The following JAK1 variants were observed in gnomAD, a reference collection of about 807,000 sequenced individuals.
The protein encoded by JAK1 is tyrosine-protein kinase JAK1.
JAK1 carries 16 observed loss-of-function variants against 136.6 expected under a neutral mutation model. The observed-to-expected ratio is 0.12, with a 90% CI of 0.08 to 0.18. JAK1 has a LOEUF of 0.18. JAK1 is among the 10% of genes least tolerant of loss of function. JAK1 has a pLI of 1.00. For missense variants in JAK1, 859 were observed against 1,450.1 expected (o/e 0.59, Z 6.62); for synonymous variants, 492 against 519.5 (o/e 0.95, Z 0.72).
At chr1:64,956,341 C>G (rs902442408) in intron 1 of JAK1, among the ~76,000 whole-genome samples, 8 of 152,210 alleles carry the variant, frequency 5.3e-5, no homozygotes, top group Non-Finnish European at 1.2e-4. Context: ...TGTCAAAGGA[C>G]ACACAGCAAG....
intron 1 of JAK1, among the ~76,000 whole-genome samples, chr1:64,937,039 A>G (rs1645802128): frequency 6.6e-6 from 1 of 151,714 alleles, no homozygotes; most frequent in African/African-American, 2.4e-5. Context: ...ACTGTTTAAA[A>G]AAAAAAAAAA....
intron 1 of JAK1, among the ~76,000 whole-genome samples, chr1:64,949,392 T>TGA (rs1646042226): frequency 6.6e-6 from 1 of 152,194 alleles, no homozygotes; most frequent in African/African-American, 2.4e-5. Context: ...ATGTACTGCA[T>TGA]TTACTAGGGT....
chr1:64,920,752 G>A (rs1390185393), intron 1 of JAK1, among the ~76,000 whole-genome samples: 1 of 152,122 alleles, frequency 6.6e-6, no homozygotes, highest in Non-Finnish European at 1.5e-5. Context: ...TTTCCCCACT[G>A]TAAAACAGGC....
chr1:64,877,296 T>G (rs983217936), intron 4 of JAK1, among the ~76,000 whole-genome samples: 1 of 152,190 alleles, frequency 6.6e-6, no homozygotes, highest in Admixed American at 6.5e-5. Flanking sequence ...CTTTGTAGTT[T>G]GTCATCAGGC....
chr1:64,860,777 C>A (rs1656255830), intron 8 of JAK1, among the ~76,000 whole-genome samples: 1 of 152,042 alleles, frequency 6.6e-6, no homozygotes, highest in African/African-American at 2.4e-5. Context: ...ATAGGACTTT[C>A]ACTGTTCAAC....
chr1:64,999,459 T>C (rs1182968340), intron 2 of JAK1, among the ~76,000 whole-genome samples: 2 of 152,200 alleles, frequency 1.3e-5, no homozygotes, highest in Non-Finnish European at 2.9e-5. Context: ...AAAGTCAGGC[T>C]GGGTGCAAAG....
In JAK1 at chr1:64,835,279, T is replaced by C. The variant is rs953421461; in HGVS notation, c.3369+117A>G. 5 of 558,582 alleles carry C rather than the reference T, an allele frequency of 9.0e-6. No homozygotes were observed. The African/African-American group carries it at 9.8e-5, about 11-fold the overall frequency. The allele number at this position is 558,582 out of a possible 1,614,324, so 34.6% of individuals were successfully genotyped here. ...GAAATTCAGCTTCAGAAAACTATTT[T>C]ACAAGGACTTCACTGCATCATTTCC... On this transcript the variant is annotated intron_variant, in intron 24 of 24. Coordinates refer to ENST00000342505, the MANE Select transcript of JAK1 (RefSeq NM_002227.4).
intron 2 of JAK1, among the ~76,000 whole-genome samples, chr1:64,989,000 GTGTATATA>G (rs1278538622): frequency 5.1e-4 from 47 of 91,862 alleles, no homozygotes; most frequent in African/African-American, 1.8e-3. Flanking sequence ...GTGTGTGTGT[GTGTATATA>G]TATATATATA....
At chr1:65,021,522 G>GTGT (rs1646936846) in intron 2 of JAK1, among the ~76,000 whole-genome samples, 3 of 152,140 alleles carry the variant, frequency 2.0e-5, no homozygotes, top group Admixed American at 2.0e-4. Flanking sequence ...ACTTCGTTGC[G>GTGT]TGTAGGATAT....
chr1:65,063,774 C>T (rs1647918677), intron 1 of JAK1, among the ~76,000 whole-genome samples: 1 of 138,836 alleles, frequency 7.2e-6, no homozygotes. Flanking sequence ...CACTGCACTC[C>T]AGCCTGGAAG....
chr1:65,053,199 T>C (rs1647368386), intron 1 of JAK1, among the ~76,000 whole-genome samples: 1 of 150,484 alleles, frequency 6.6e-6, no homozygotes, highest in Admixed American at 6.6e-5. Flanking sequence ...ATACAAAAAT[T>C]AGCCAGGCAT....
intron 1 of JAK1, among the ~76,000 whole-genome samples, chr1:64,923,852 TA>T (rs1179961347): frequency 2.6e-5 from 4 of 152,168 alleles, no homozygotes; most frequent in Non-Finnish European, 5.9e-5. Flanking sequence ...TGCTGCTTTT[TA>T]AAACATTTAT....
At chr1:64,971,127 C>T (rs1646448399), upstream of JAK1, among the ~76,000 whole-genome samples, 1 of 152,084 alleles carries the variant, frequency 6.6e-6, no homozygotes, top group Non-Finnish European at 1.5e-5. Context: ...AATTTGTTTC[C>T]AAAAATTGGA....
Position 64,965,058 on chromosome 1 carries a change from TC to T in JAK1, c.-78+1274del, listed in dbSNP as rs763320704. On this transcript the variant is annotated intron_variant, in intron 1 of 24. Transcript: ENST00000342505. ...AGATTCAATCAATACGAATTGCTCA[TC>T]TTAAACAAAATCTACTGTGCCTATA... Among the ~76,000 whole-genome samples, 12 of 152,308 alleles carry T rather than the reference TC, an allele frequency of 7.9e-5. 1 individual carries two copies. Among genetic ancestry groups the T allele is most frequent in the Non-Finnish European group, 1.6e-4 (11 of 68,022 alleles).
chr1:64,924,095 A>G (rs995026695), intron 1 of JAK1, among the ~76,000 whole-genome samples: 18 of 152,364 alleles, frequency 1.2e-4, no homozygotes, highest in Admixed American at 5.2e-4. Flanking sequence ...ATGCAGTCAG[A>G]TACTTGCATA....
At chr1:65,055,583 C>T (rs1009912494) in intron 1 of JAK1, among the ~76,000 whole-genome samples, 2 of 152,184 alleles carry the variant, frequency 1.3e-5, no homozygotes, top group Non-Finnish European at 2.9e-5. Flanking sequence ...ACATACTTCA[C>T]CTAAACTGAA....
chr1:64,998,718 T>G (rs1411712078), intron 2 of JAK1, among the ~76,000 whole-genome samples: 1 of 152,142 alleles, frequency 6.6e-6, no homozygotes, highest in East Asian at 1.9e-4. Context: ...TCTCAGGAGA[T>G]CTGATGGTTT....
intron 1 of JAK1, among the ~76,000 whole-genome samples, chr1:64,901,045 CCTAA>C (rs1468775198): frequency 6.6e-6 from 1 of 152,164 alleles, no homozygotes; most frequent in Admixed American, 6.5e-5. Context: ...CATCCTGCTC[CCTAA>C]CTGTCTGTAG....
chr1:64,845,673 T>A (rs1655185904), intron 14 of JAK1, 33 bp from the exon 15 acceptor site: 1 of 1,613,962 alleles, frequency 6.2e-7, no homozygotes, highest in Admixed American at 1.7e-5. Flanking sequence ...GTCTGGAACC[T>A]GGTCTGTGGC....
Sources: allele counts gnomAD v4.1 joint callset (sites outside exome capture counted in the v4.1 genomes callset), GRCh38; gene constraint gnomAD v4.1.1; transcripts MANE v1.5; gene names NCBI Gene and HGNC (gene_info 2026-07-23, HGNC 2026-07-21).